SLC16A7: variants seen among roughly 807,000 people sequenced by gnomAD.
SLC16A7 encodes monocarboxylate transporter 2.
In SLC16A7, 33 loss-of-function variants were observed where a neutral mutation model predicts 34.9. The ratio of observed to expected loss-of-function variants is 0.94; its 90% CI spans 0.72 to 1.26. SLC16A7 has a LOEUF of 1.26. SLC16A7 is among the 50% of genes most tolerant of loss of function. The pLI is 0.00. For missense variants in SLC16A7, 573 were observed against 578.1 expected (o/e 0.99, Z 0.09); for synonymous variants, 201 against 206.6 (o/e 0.97, Z 0.23).
At position 59,781,347 on chromosome 12, in the gene SLC16A7, GA is replaced by G. The variant is rs1359858854; in HGVS notation, c.*1670del. The G allele has an allele frequency of 6.6e-6, 1 of 152,418 alleles. No homozygotes were observed. The highest frequency in any genetic ancestry group is 1.5e-5 in the Non-Finnish European group (1 of 67,990). The allele number at this position is 152,418 out of a possible 1,614,324, so 9.4% of individuals were successfully genotyped here. A position where few individuals can be genotyped will look rare whatever the true frequency, so the allele number is the denominator to read the frequency against. On this transcript the variant is annotated 3_prime_UTR_variant, in exon 6 of 6. Coordinates refer to ENST00000547379, the MANE Select transcript of SLC16A7 (RefSeq NM_001270623.2). Reference sequence around the variant, plus strand: ...AGTGTCACTCTTAAGATGTCAAAGGGAATTAGCCATTTTTTTTATTGTAATA... The same window carrying G: ...AGTGTCACTCTTAAGATGTCAAAGGGATTAGCCATTTTTTTTATTGTAATA...
intron 3 of SLC16A7, among the ~76,000 whole-genome samples, chr12:59,706,529 T>G: frequency 6.6e-6 from 1 of 152,156 alleles, no homozygotes; most frequent in East Asian, 1.9e-4. Flanking sequence ...TTAAATACTA[T>G]TTGGGCGTGT....
intron 2 of SLC16A7, among the ~76,000 whole-genome samples, chr12:59,699,524 T>C (rs750592675): frequency 6.6e-6 from 1 of 151,702 alleles, no homozygotes. Flanking sequence ...TCTTCTATAA[T>C]TCCTGTCCAG....
chr12:59,734,679 C>T (rs1490054144), intron 3 of SLC16A7, among the ~76,000 whole-genome samples: 1 of 152,226 alleles, frequency 6.6e-6, no homozygotes, highest in East Asian at 1.9e-4. Flanking sequence ...CTTCAGGCAG[C>T]CTCTGCTGCC....
In SLC16A7 at chr12:59,780,484, T is replaced by C. The variant is rs917123800; in HGVS notation, c.*805T>C. On this transcript the variant is annotated 3_prime_UTR_variant, in exon 6 of 6. Transcript: ENST00000547379. The stretch of plus-strand genomic sequence containing the variant: ...TTTTTGAGTAGGGAGCATTAGTACC[T>C]GGTGCTAGAGAATAGAACCCTCAAA... 4 of 152,128 alleles carry C rather than the reference T, an allele frequency of 2.6e-5. No homozygotes were observed. The highest frequency in any genetic ancestry group is 9.7e-5 in the African/African-American group (4 of 41,448). 9.4% of individuals were successfully genotyped at this position (152,128 alleles called of 1,614,324 possible).
At chr12:59,643,511 G>T (rs1880777424) in intron 1 of SLC16A7, among the ~76,000 whole-genome samples, 1 of 152,072 alleles carries the variant, frequency 6.6e-6, no homozygotes, top group South Asian at 2.1e-4. Flanking sequence ...AAGTTACAGT[G>T]GAAGAGACTG....
intron 1 of SLC16A7, among the ~76,000 whole-genome samples, chr12:59,629,742 C>CT (rs201856107): frequency 6.0e-5 from 9 of 151,178 alleles, no homozygotes; most frequent in South Asian, 4.2e-4. Context: ...ATTTAGTATA[C>CT]TTTTTTTTTC....
chr12:59,616,796 A>G (rs745747627), intron 1 of SLC16A7, among the ~76,000 whole-genome samples: 20 of 152,198 alleles, frequency 1.3e-4, no homozygotes, highest in Middle Eastern at 6.8e-3. Flanking sequence ...GATACATGTA[A>G]TTTATTTTCA....
chr12:59,683,490 G>GA (rs1016293577), intron 2 of SLC16A7, among the ~76,000 whole-genome samples: 3 of 151,690 alleles, frequency 2.0e-5, no homozygotes, highest in Non-Finnish European at 2.9e-5. Flanking sequence ...AGAGAGAAAT[G>GA]AAAAAAAGAA....
chr12:59,693,114 G>A (rs972350277), intron 2 of SLC16A7, among the ~76,000 whole-genome samples: 6 of 151,972 alleles, frequency 3.9e-5, no homozygotes, highest in African/African-American at 1.2e-4. Flanking sequence ...CACTTTATAA[G>A]TAGGATGTAG....
At chr12:59,675,136 C>T (rs1002377133) in intron 2 of SLC16A7, among the ~76,000 whole-genome samples, 1 of 152,176 alleles carries the variant, frequency 6.6e-6, no homozygotes, top group African/African-American at 2.4e-5. Context: ...TCCTTAAGAC[C>T]TGATGAGAGA....
intron 1 of SLC16A7, among the ~76,000 whole-genome samples, chr12:59,633,482 G>T (rs775569049): frequency 1.2e-4 from 18 of 151,876 alleles, no homozygotes; most frequent in Non-Finnish European, 2.2e-4. Flanking sequence ...TTTCACATTC[G>T]GTGATGTGAC....
At chr12:59,709,714 A>G (rs1034036063) in intron 3 of SLC16A7, among the ~76,000 whole-genome samples, 1 of 151,666 alleles carries the variant, frequency 6.6e-6, no homozygotes, top group South Asian at 2.1e-4. Flanking sequence ...TTTTATATCT[A>G]TGCCATGTTA....
chr12:59,601,381 G>A lies in SLC16A7; in HGVS notation c.-130+5145G>A, dbSNP rs891371858. ...AAACTACAAAGCATGCATTTGATAAGTTTCTAAGGGATATTAACATTTATC... is the reference window on the plus strand; with the variant it reads ...AAACTACAAAGCATGCATTTGATAAATTTCTAAGGGATATTAACATTTATC... On this transcript the variant is annotated intron_variant, in intron 1 of 5. Transcript: ENST00000547379. Among the ~76,000 whole-genome samples the A allele has an allele frequency of 3.3e-5, 5 of 152,252 alleles. No homozygotes were observed. In the East Asian group the frequency reaches 9.6e-4, roughly 29 times the overall value.
At chr12:59,649,925 G>A (rs544594345) in intron 1 of SLC16A7, among the ~76,000 whole-genome samples, 1 of 152,052 alleles carries the variant, frequency 6.6e-6, no homozygotes, top group South Asian at 2.1e-4. Flanking sequence ...CTCCAGTCTG[G>A]CCTATAAGAG....
chr12:59,722,261 A>G (rs1383382712), intron 3 of SLC16A7, among the ~76,000 whole-genome samples: 4 of 151,880 alleles, frequency 2.6e-5, no homozygotes. Context: ...ATAACTTTCT[A>G]TTAGCAAATT....
At chr12:59,722,003 C>T (rs1305273278) in intron 3 of SLC16A7, among the ~76,000 whole-genome samples, 1 of 151,872 alleles carries the variant, frequency 6.6e-6, no homozygotes. Flanking sequence ...TGACCTTGCA[C>T]CTTCTCATGA....
intron 3 of SLC16A7, chr12:59,735,882 C>T: frequency 1.9e-6 from 2 of 1,056,886 alleles, no homozygotes; most frequent in Non-Finnish European, 2.4e-6. Flanking sequence ...ATAAAACTAA[C>T]CTTTCAAATG....
chr12:59,667,880 C>T lies in SLC16A7; in HGVS notation c.-31+12630C>T, dbSNP rs1795901. ...CCTCCTGCTGTGTACAGCCTAGGGACTTGGTACCCTGCATCCCAGCCATGG... is the reference window on the plus strand; with the variant it reads ...CCTCCTGCTGTGTACAGCCTAGGGATTTGGTACCCTGCATCCCAGCCATGG... On this transcript the variant is annotated intron_variant, in intron 2 of 5. Coordinates refer to ENST00000547379, the MANE Select transcript of SLC16A7 (RefSeq NM_001270623.2). 7.9e-3 allele frequency among the ~76,000 whole-genome samples: 1,202 copies of T among 152,280 alleles called. 16 individuals are homozygous for T. The highest frequency in any genetic ancestry group is 0.027 in the African/African-American group (1,135 of 41,562).
intron 3 of SLC16A7, among the ~76,000 whole-genome samples, chr12:59,753,030 A>G (rs1446777167): frequency 1.3e-5 from 2 of 152,198 alleles, no homozygotes; most frequent in Non-Finnish European, 2.9e-5. Flanking sequence ...AAGAGAAATA[A>G]AATACTCTAC....
Sources: allele counts gnomAD v4.1 joint callset (sites outside exome capture counted in the v4.1 genomes callset), GRCh38; gene constraint gnomAD v4.1.1; transcripts MANE v1.5; gene names NCBI Gene and HGNC (gene_info 2026-07-23, HGNC 2026-07-21).